ANXA8: variants seen among roughly 807,000 people sequenced by gnomAD.
ANXA8 encodes the protein annexin A8.
Under a neutral mutation model 26.8 loss-of-function variants are expected in ANXA8, and 9 were observed. The observed-to-expected ratio is 0.34, with a 90% confidence interval of 0.20 to 0.59. The LOEUF (loss-of-function observed/expected upper bound fraction) is 0.59. Among genes scored for constraint, ANXA8 ranks in the 20% least tolerant of loss-of-function variants. The pLI is 0.84. For synonymous variants in ANXA8, 39 were observed against 94.8 expected (o/e 0.41, Z 3.42); for missense variants, 83 against 238.5 (o/e 0.35, Z 4.29).
At chr10:47,554,128 A>AATAAATAAATAC in the ANXA8 span, among the ~76,000 whole-genome samples, 5 of 143,196 alleles carry the variant, frequency 3.5e-5, no homozygotes, top group Non-Finnish European at 7.5e-5. Context: ...TAAATAAATA[A>AATAAATAAATAC]ATAAATAAAT....
chr10:47,699,153 C>T, the ANXA8 span, among the ~76,000 whole-genome samples: 3 of 151,116 alleles, frequency 2.0e-5, no homozygotes, highest in Non-Finnish European at 4.4e-5. Flanking sequence ...TTGGGACCAG[C>T]CTGGCCAACA....
chr10:47,981,829 C>A, the ANXA8 span, among the ~76,000 whole-genome samples: 1 of 151,430 alleles, frequency 6.6e-6, no homozygotes, highest in Admixed American at 6.6e-5. Context: ...ATTTGGAAGA[C>A]TTAATATTGT....
chr10:47,718,294 AT>A, the ANXA8 span, among the ~76,000 whole-genome samples: 6 of 138,412 alleles, frequency 4.3e-5, no homozygotes, highest in African/African-American at 1.6e-4. Flanking sequence ...AACATGGCAA[AT>A]CCCCATCTCC....
the ANXA8 span, among the ~76,000 whole-genome samples, chr10:47,937,105 C>T: frequency 6.9e-3 from 1,030 of 149,996 alleles, 45 homozygotes; most frequent in Non-Finnish European, 0.011. Context: ...TCTAGTCCTC[C>T]TCTCGCCGCC....
chr10:47,733,223 CTTTCTTTCTCTCTTTCTTTCTTTCTT>C, the ANXA8 span, among the ~76,000 whole-genome samples: 74 of 62,454 alleles, frequency 1.2e-3, 1 homozygote, highest in South Asian at 2.7e-3. Flanking sequence ...CTTTCTTTCT[CTTTCTTTCTCTCTTTCTTTCTTTCTT>C]TCTTTCTTTC....
chr10:47,517,377 A>C, the ANXA8 span, among the ~76,000 whole-genome samples: 1 of 102,434 alleles, frequency 9.8e-6, no homozygotes, highest in Non-Finnish European at 1.8e-5. Context: ...GGTTCAAGTG[A>C]TTCTTCTGCC....
the ANXA8 span, among the ~76,000 whole-genome samples, chr10:47,943,600 G>A: frequency 6.6e-6 from 1 of 151,116 alleles, no homozygotes; most frequent in Non-Finnish European, 1.5e-5. Flanking sequence ...AGTCACTGAG[G>A]CCTGCAGCAC....
the ANXA8 span, among the ~76,000 whole-genome samples, chr10:47,756,385 A>G: frequency 3.5e-5 from 4 of 115,500 alleles, no homozygotes; most frequent in South Asian, 1.1e-3. Context: ...AAGCCGGCTG[A>G]GGAGTGCACT....
chr10:47,982,314 C>T, the ANXA8 span, among the ~76,000 whole-genome samples: 1 of 150,738 alleles, frequency 6.6e-6, no homozygotes, highest in Non-Finnish European at 1.5e-5. Context: ...ACAAAACAAC[C>T]CCCCCAAACC....
the ANXA8 span, among the ~76,000 whole-genome samples, chr10:47,622,175 T>G: frequency 8.9e-6 from 1 of 112,864 alleles, no homozygotes; most frequent in East Asian, 2.2e-4. Context: ...GAAGCAGCAT[T>G]CACATAGACT....
chr10:47,714,078 C>T, the ANXA8 span, among the ~76,000 whole-genome samples: 1 of 62,888 alleles, frequency 1.6e-5, no homozygotes, highest in Non-Finnish European at 2.9e-5. Context: ...TTAAGTCAAT[C>T]CCAATAAATA....
upstream of ANXA8, among the ~76,000 whole-genome samples, chr10:47,488,713 A>ATTTTTTTTTTTT (rs1160121365): frequency 8.0e-5 from 5 of 62,118 alleles, no homozygotes; most frequent in African/African-American, 1.4e-4. Flanking sequence ...TACATGTTAA[A>ATTTTTTTTTTTT]TTTTTTTTTT....
At chr10:47,916,729 G>A in the ANXA8 span, among the ~76,000 whole-genome samples, 2 of 129,812 alleles carry the variant, frequency 1.5e-5, no homozygotes, top group African/African-American at 5.2e-5. Flanking sequence ...ACAAGAGCTA[G>A]GGTTCAGGCT....
chr10:47,672,574 A>C, the ANXA8 span, among the ~76,000 whole-genome samples: 4 of 151,842 alleles, frequency 2.6e-5, no homozygotes, highest in Non-Finnish European at 5.9e-5. Context: ...AATAAGAAAA[A>C]TAAAATTCCT....
At chr10:47,941,533 G>C in the ANXA8 span, among the ~76,000 whole-genome samples, 1 of 146,680 alleles carries the variant, frequency 6.8e-6, no homozygotes, top group East Asian at 2.1e-4. Context: ...CATGTGCCTC[G>C]AGTCCCAGCA....
the ANXA8 span, among the ~76,000 whole-genome samples, chr10:47,708,036 G>C: frequency 7.1e-6 from 1 of 140,626 alleles, no homozygotes; most frequent in Non-Finnish European, 1.6e-5. Context: ...ATTCTACACA[G>C]CCATAAAAAG....
At chr10:47,699,059 G>A in the ANXA8 span, among the ~76,000 whole-genome samples, 61 of 151,664 alleles carry the variant, frequency 4.0e-4, 1 homozygote, top group African/African-American at 1.3e-3. Flanking sequence ...ACAAGAAGAG[G>A]CATCTGGTCT....
At chr10:47,881,990 G>GATGT in the ANXA8 span, among the ~76,000 whole-genome samples, 1 of 152,172 alleles carries the variant, frequency 6.6e-6, no homozygotes, top group East Asian at 1.9e-4. Flanking sequence ...TGTGTGTGCA[G>GATGT]ATGTATGTAT....
chr10:47,743,981 G>T, the ANXA8 span, among the ~76,000 whole-genome samples: 12 of 143,994 alleles, frequency 8.3e-5, no homozygotes, highest in South Asian at 1.5e-3. Flanking sequence ...CAATGGAGAT[G>T]AACAGATAAT....
Sources: gnomAD v4.1 joint callset for allele counts (sites outside exome capture counted in the v4.1 genomes callset) on GRCh38, gnomAD v4.1.1 for gene constraint, MANE v1.5 for transcripts, NCBI Gene and HGNC (gene_info 2026-07-23, HGNC 2026-07-21) for gene names.